The following POU6F2 variants were observed in gnomAD, a reference collection of about 807,000 sequenced individuals.
The protein encoded by POU6F2 is POU class 6 homeobox 2.
A neutral mutation model predicts 71.3 loss-of-function variants in POU6F2; 31 were observed. The observed-to-expected ratio is 0.43, with a 90% confidence interval of 0.33 to 0.59. The LOEUF (loss-of-function observed/expected upper bound fraction) is 0.59. Among genes scored for constraint, POU6F2 ranks in the 20% least tolerant of loss-of-function variants. The pLI is 0.04. For missense variants in POU6F2, 783 were observed against 856.8 expected, an observed-to-expected ratio of 0.91 and a Z score of 1.07; for synonymous variants, 347 against 355.7, an observed-to-expected ratio of 0.98 and a Z score of 0.27.
chr7:39,103,952 A>C (rs1791625413), intron 2 of POU6F2, among the ~76,000 whole-genome samples: 1 of 152,222 alleles, frequency 6.6e-6, no homozygotes, highest in Non-Finnish European at 1.5e-5. Context: ...GAAGTAAAGA[A>C]TTAGGGCTTC....
intron 4 of POU6F2, among the ~76,000 whole-genome samples, chr7:39,234,129 T>TA (rs1794630148): frequency 6.6e-6 from 1 of 152,142 alleles, no homozygotes; most frequent in Non-Finnish European, 1.5e-5. Context: ...CTCTGTTAGA[T>TA]AAAATGCATG....
chr7:39,257,528 G>A (rs544157399), intron 4 of POU6F2, among the ~76,000 whole-genome samples: 16 of 152,054 alleles, frequency 1.1e-4, no homozygotes, highest in African/African-American at 3.1e-4. Flanking sequence ...TTGTGTCTCC[G>A]TAGGATTATA....
chr7:39,171,640 T>C (rs1793220514), intron 2 of POU6F2, among the ~76,000 whole-genome samples: 1 of 152,220 alleles, frequency 6.6e-6, no homozygotes, highest in African/African-American at 2.4e-5. Flanking sequence ...TGGCCATCCC[T>C]GATAGACTTG....
chr7:39,233,205 G>A (rs371072960), intron 4 of POU6F2, among the ~76,000 whole-genome samples: 2 of 151,834 alleles, frequency 1.3e-5, no homozygotes, highest in African/African-American at 4.8e-5. Flanking sequence ...TCATAGTTTA[G>A]TGAGGAAGGT....
intron 6 of POU6F2, among the ~76,000 whole-genome samples, chr7:39,418,409 G>T (rs191615863): frequency 1.3e-4 from 20 of 152,268 alleles, no homozygotes; most frequent in African/African-American, 4.1e-4. Flanking sequence ...AGTTAAACAG[G>T]TCAGGCACGG....
chr7:39,076,529 TA>T (rs1334709570), intron 1 of POU6F2, among the ~76,000 whole-genome samples: 8 of 152,102 alleles, frequency 5.3e-5, no homozygotes, highest in African/African-American at 1.9e-4. Flanking sequence ...ATTATATTTT[TA>T]AAAAGAAAAA....
chr7:39,024,644 G>T (rs986237934), intron 1 of POU6F2, among the ~76,000 whole-genome samples: 6 of 152,104 alleles, frequency 3.9e-5, no homozygotes, highest in African/African-American at 1.4e-4. Context: ...CTGTGGGTTT[G>T]TCATAGACAG....
At chr7:39,448,135 C>T (rs1392306175) in intron 7 of POU6F2, among the ~76,000 whole-genome samples, 6 of 152,086 alleles carry the variant, frequency 3.9e-5, no homozygotes, top group Admixed American at 2.6e-4. Flanking sequence ...GAAAGAATTA[C>T]AGTTTTAGAG....
intron 5 of POU6F2, among the ~76,000 whole-genome samples, chr7:39,383,196 G>A (rs4723862): frequency 0.13 from 19,846 of 152,090 alleles, 1,439 homozygotes; most frequent in Admixed American, 0.2. Context: ...TTTGTACTTT[G>A]TGTGTAACAA....
At chr7:39,191,156 C>T (rs533519774) in intron 2 of POU6F2, among the ~76,000 whole-genome samples, 1 of 152,118 alleles carries the variant, frequency 6.6e-6, no homozygotes, top group Admixed American at 6.5e-5. Context: ...TTAACCAACA[C>T]TTTAATAAGG....
At chr7:39,132,778 A>G (rs778111319) in intron 2 of POU6F2, 1 of 152,246 alleles carries the variant, frequency 6.6e-6, no homozygotes. Context: ...GGAAGGGGAA[A>G]GGAACATGAG....
intron 2 of POU6F2, among the ~76,000 whole-genome samples, chr7:39,169,564 A>G (rs1793175762): frequency 6.6e-6 from 1 of 152,214 alleles, no homozygotes; most frequent in Non-Finnish European, 1.5e-5. Context: ...GTAAAAATGT[A>G]ATTTCTGCAT....
chr7:39,238,478 G>A (rs1051636386), intron 4 of POU6F2, among the ~76,000 whole-genome samples: 2 of 152,118 alleles, frequency 1.3e-5, no homozygotes, highest in African/African-American at 2.4e-5. Context: ...ATTTGTTTAC[G>A]TATTGTTTGC....
At position 39,211,459 on chromosome 7, in the gene POU6F2, T is replaced by G. The variant is rs148468728; in HGVS notation, c.598+3839T>G. Among the ~76,000 whole-genome samples, 238 of 152,322 alleles carry G rather than the reference T, an allele frequency of 1.6e-3. 1 individual carries two copies. The highest frequency in any genetic ancestry group is 5.4e-3 in the African/African-American group (225 of 41,572). Reference sequence around the variant, plus strand: ...TTCTCTTACATAGTGGAAGCCCTCTTGAAGTCCTTGCTCTGAGATTTTATC... The same window carrying G: ...TTCTCTTACATAGTGGAAGCCCTCTGGAAGTCCTTGCTCTGAGATTTTATC... On this transcript the variant is annotated intron_variant, in intron 4 of 9. Transcript: ENST00000518318.
chr7:39,433,082 C>G lies in POU6F2; in HGVS notation c.1119C>G (p.Ile373Met). The change falls in exon 7 of 10, where the codon ATC (isoleucine) becomes ATG (methionine). Residue 373 changes from isoleucine to methionine, a missense_variant. By Grantham distance (10) the Ile-to-Met change is conservative. Around this residue, in one of 2 missense-constraint regions of POU6F2, gnomAD observed 572 missense variants for 572.9 expected, o/e 1.00. Transcript: ENST00000518318. ...QLVTNAQGQI[I>M]GTIPLMPNPG... is the part of the protein sequence containing the mutation. ...CCTTTGGCCCTCTCTTGCAGATTAT[C>G]GGGACCATTCCACTGATGCCTAATC... 1.2e-6 allele frequency: 2 copies of G among 1,612,936 alleles called. No individual in the cohort carries two copies. The highest frequency in any genetic ancestry group is 2.2e-5 in the South Asian group (2 of 91,044).
chr7:39,381,443 C>T (rs915688508), intron 5 of POU6F2, among the ~76,000 whole-genome samples: 1 of 151,974 alleles, frequency 6.6e-6, no homozygotes, highest in Non-Finnish European at 1.5e-5. Context: ...GGTTTCACCA[C>T]GTTGCCCAGG....
In POU6F2 at chr7:39,451,683, G is replaced by C. The variant is rs372667357; in HGVS notation, c.1471G>C (p.Val491Leu). The change falls in exon 8 of 10, where the codon GTG becomes CTG. Residue 491 changes from valine to leucine, a missense_variant. By Grantham distance (32) the Val-to-Leu change is conservative. Around this residue, in one of 2 missense-constraint regions of POU6F2, gnomAD observed 572 missense variants for 572.9 expected, o/e 1.00. Coordinates refer to ENST00000518318, the MANE Select transcript of POU6F2 (RefSeq NM_001370959.1). ...SSSSSSSALS[V>L]GQLVSNPQTA... ...ATCCTCCTCTTCTTCAGCTTTGAGC[G>C]TGGGCCAGTTAGTCAGCAGTAAGTA... 1.0e-5 allele frequency: 16 copies of C among 1,598,532 alleles called. No individual in the cohort carries two copies. The highest frequency in any genetic ancestry group is 1.3e-5 in the Non-Finnish European group (15 of 1,172,384).
At chr7:39,329,094 T>A (rs916100736) in intron 4 of POU6F2, 5 of 155,596 alleles carry the variant, frequency 3.2e-5, no homozygotes, top group Admixed American at 6.5e-5. Flanking sequence ...GTATAATTGC[T>A]CATATCACAG....
At chr7:39,056,004 T>A (rs529744340) in intron 1 of POU6F2, among the ~76,000 whole-genome samples, 1 of 134,582 alleles carries the variant, frequency 7.4e-6, no homozygotes, top group Admixed American at 7.2e-5. Flanking sequence ...AATATCTCTT[T>A]AATCTTTAAA....
Sources: allele counts gnomAD v4.1 joint callset (sites outside exome capture counted in the v4.1 genomes callset), GRCh38; gene constraint gnomAD v4.1.1; regional missense constraint gnomAD v4.1.1; transcripts MANE v1.5; gene names NCBI Gene and HGNC (gene_info 2026-07-23, HGNC 2026-07-21).